Variants in NRDC observed in about 807,000 individuals in gnomAD.
The protein encoded by NRDC is nardilysin.
A neutral mutation model predicts 147.1 loss-of-function variants in NRDC; 54 were observed. The ratio of observed to expected loss-of-function variants is 0.37; its 90% CI spans 0.29 to 0.46. The LOEUF is 0.46. NRDC is among the 20% of genes least tolerant of loss of function. NRDC has a pLI of 1.00. For missense variants in NRDC, 1,082 were observed against 1,370.6 expected (o/e 0.79, Z 3.33); for synonymous variants, 440 against 482.1 (o/e 0.91, Z 1.14).
intron 6 of NRDC, 91 bp from the exon 7 acceptor site, chr1:51,823,877 T>C (rs1571870476): frequency 1.2e-6 from 1 of 829,984 alleles, no homozygotes; most frequent in East Asian, 2.7e-5. Context: ...CTACCATACA[T>C]GATTAATGAA....
In NRDC at chr1:51,815,739, T is replaced by C. The variant is rs894428879; in HGVS notation, c.1439+573A>G. 1.8e-4 allele frequency among the ~76,000 whole-genome samples: 28 copies of C among 152,358 alleles called. 1 individual carries two copies. In the East Asian group the frequency reaches 3.5e-3, roughly 19 times the overall value. On this transcript the variant is annotated intron_variant, in intron 11 of 30. Coordinates refer to ENST00000352171, the MANE Select transcript of NRDC (RefSeq NM_001101662.2). ...CTTCCATTCTCATACTATTCATTTA[T>C]AGAAAAATCAAACAAGGAATTACTT...
intron 1 of NRDC, among the ~76,000 whole-genome samples, chr1:51,842,703 G>A (rs1681330263): frequency 6.6e-6 from 1 of 152,102 alleles, no homozygotes. Context: ...ACAAGCAAAA[G>A]TAAACAGTAT....
At chr1:51,867,298 G>A (rs1193920843) in intron 1 of NRDC, among the ~76,000 whole-genome samples, 1 of 152,128 alleles carries the variant, frequency 6.6e-6, no homozygotes, top group Non-Finnish European at 1.5e-5. Context: ...AGGCACTGGC[G>A]ATATAAGCAG....
chr1:51,803,737 G>T, intron 20 of NRDC, 77 bp downstream of exon 20: 1 of 1,145,528 alleles, frequency 8.7e-7, no homozygotes, highest in Non-Finnish European at 1.3e-6. Flanking sequence ...TCTCTATACA[G>T]CATCCCATGC....
At chr1:51,856,748 C>T (rs1682263012) in intron 1 of NRDC, among the ~76,000 whole-genome samples, 2 of 151,992 alleles carry the variant, frequency 1.3e-5, no homozygotes, top group African/African-American at 4.8e-5. Flanking sequence ...GTGGGACGCC[C>T]TCTGAGGAGG....
chr1:51,847,381 C>G (rs1681694836), intron 1 of NRDC, among the ~76,000 whole-genome samples: 1 of 152,260 alleles, frequency 6.6e-6, no homozygotes, highest in Admixed American at 6.5e-5. Flanking sequence ...TGCGCCCGCA[C>G]TCCTCAGCCC....
At chr1:51,875,532 T>C (rs761344564) in intron 1 of NRDC, among the ~76,000 whole-genome samples, 6 of 152,220 alleles carry the variant, frequency 3.9e-5, no homozygotes, top group Non-Finnish European at 8.8e-5. Context: ...ACCTCCGTTA[T>C]GGCTTCTATA....
At chr1:51,812,704 C>G (rs1350676947) in intron 14 of NRDC, among the ~76,000 whole-genome samples, 2 of 152,092 alleles carry the variant, frequency 1.3e-5, no homozygotes, top group Non-Finnish European at 2.9e-5. Flanking sequence ...CAGTCAAGTG[C>G]CCCACATGAT....
intron 1 of NRDC, among the ~76,000 whole-genome samples, chr1:51,861,013 G>A (rs1307752285): frequency 2.0e-5 from 3 of 148,754 alleles, no homozygotes; most frequent in East Asian, 2.0e-4. Flanking sequence ...ACAGTGGCAT[G>A]AGCTTGGCTC....
chr1:51,836,298 T>A (rs546664434), intron 2 of NRDC, 86 bp from the exon 3 acceptor site: 1 of 1,580,692 alleles, frequency 6.3e-7, no homozygotes, highest in African/African-American at 1.3e-5. Flanking sequence ...CATTTGGAGA[T>A]GGATGTTTTC....
chr1:51,812,781 T>C (rs926772290), intron 14 of NRDC, among the ~76,000 whole-genome samples: 2 of 152,066 alleles, frequency 1.3e-5, no homozygotes, highest in Non-Finnish European at 2.9e-5. Flanking sequence ...TTTGTAAGCA[T>C]GAATCAAATC....
At position 51,819,865 on chromosome 1, in the gene NRDC, G is replaced by A. The variant is rs1229068016; in HGVS notation, c.1226C>T (p.Pro409Leu). Reference sequence around the variant, plus strand: ...CGTTAAATGGCCAAAGTTTGGTCTGGGTAACCCACTGAAAATAAAACAAAT... The same window carrying A: ...CGTTAAATGGCCAAAGTTTGGTCTGAGTAACCCACTGAAAATAAAACAAAT... The part of the protein sequence containing the change: ...IFSQIPNNGL[P>L]RPNFGHLTDP... The change falls in exon 9 of 31, where the codon CCC becomes CTC. Residue 409 changes from proline (P) to leucine (L), a missense_variant. Pro to Leu is a moderately conservative substitution (Grantham distance 98). Coordinates refer to ENST00000352171, the MANE Select transcript of NRDC (RefSeq NM_001101662.2). 6.2e-7 allele frequency: 1 copy of A among 1,606,546 alleles called. No homozygotes were observed. The highest frequency in any genetic ancestry group is 8.5e-7 in the Non-Finnish European group (1 of 1,176,122).
chr1:51,860,757 C>T (rs996253225), intron 1 of NRDC, among the ~76,000 whole-genome samples: 1 of 152,102 alleles, frequency 6.6e-6, no homozygotes, highest in Non-Finnish European at 1.5e-5. Context: ...CCTACAAGAA[C>T]CTTCCTTTCT....
rs184279321 is a variant in NRDC at position 51,848,302 on chromosome 1, C to G, written c.342-7788G>C. On this transcript the variant is annotated intron_variant, in intron 1 of 30. Coordinates refer to ENST00000352171, the MANE Select transcript of NRDC (RefSeq NM_001101662.2). ...CATCCTGGCTAACACAGTGAAACCC[C>G]GTCTCTACTAAAAATACAAAAAAAG... 6.3e-3 allele frequency among the ~76,000 whole-genome samples: 962 copies of G among 152,218 alleles called. 13 individuals are homozygous for G. Among genetic ancestry groups the G allele is most frequent in the African/African-American group, 0.022 (922 of 41,534 alleles).
At position 51,798,119 on chromosome 1, in the gene NRDC, G is replaced by T. The variant is rs1019622082; in HGVS notation, c.2604+130C>A. 3.3e-5 allele frequency: 28 copies of T among 843,750 alleles called. No individual in the cohort carries two copies. In the Admixed American group the frequency reaches 6.1e-4, roughly 18 times the overall value. 52.3% of individuals were successfully genotyped at this position (843,750 alleles called of 1,614,324 possible). A position where few individuals can be genotyped will look rare whatever the true frequency, so the allele number is the denominator to read the frequency against. On this transcript the variant is annotated intron_variant, in intron 22 of 30. Coordinates refer to ENST00000352171, the MANE Select transcript of NRDC (RefSeq NM_001101662.2). Reference sequence around the variant, plus strand: ...AGCTGCCCAGCATCAGAGGGGTCAGGTTCCCTTCTAAACAGAATATGATAA... The same window carrying T: ...AGCTGCCCAGCATCAGAGGGGTCAGTTTCCCTTCTAAACAGAATATGATAA...
chr1:51,798,800 G>A (rs150093250), intron 21 of NRDC: 69 of 164,312 alleles, frequency 4.2e-4, no homozygotes, highest in Admixed American at 1.8e-3. Context: ...ATCTATTACT[G>A]CAGTGACAAT....
intron 20 of NRDC, among the ~76,000 whole-genome samples, chr1:51,802,294 G>A (rs761396862): frequency 6.6e-6 from 1 of 151,884 alleles, no homozygotes; most frequent in Non-Finnish European, 1.5e-5. Flanking sequence ...TGCTAAACTG[G>A]ATTTAATTTT....
chr1:51,875,102 C>T (rs1347328692), intron 1 of NRDC, among the ~76,000 whole-genome samples: 1 of 152,214 alleles, frequency 6.6e-6, no homozygotes, highest in Non-Finnish European at 1.5e-5. Flanking sequence ...GATAATTCAG[C>T]TCTGTGGGCT....
At chr1:51,798,481 G>T in intron 21 of NRDC, 70 bp from the exon 22 acceptor site, 1 of 1,342,202 alleles carries the variant, frequency 7.5e-7, no homozygotes, top group Non-Finnish European at 1.0e-6. Flanking sequence ...ATAAAGAAAT[G>T]TTTGGTCAAA....
Sources: gnomAD v4.1 joint callset for allele counts (sites outside exome capture counted in the v4.1 genomes callset) on GRCh38, gnomAD v4.1.1 for gene constraint, MANE v1.5 for transcripts, NCBI Gene and HGNC (gene_info 2026-07-23, HGNC 2026-07-21) for gene names.